Variants in COBL observed in about 807,000 individuals in gnomAD.
COBL encodes the protein protein cordon-bleu.
A neutral mutation model predicts 98.8 loss-of-function variants in COBL; 51 were observed. The ratio of observed to expected loss-of-function variants is 0.52; its 90% CI spans 0.41 to 0.65. The LOEUF (loss-of-function observed/expected upper bound fraction) is 0.65. Ranked by LOEUF, COBL falls within the 30% of genes least tolerant of loss-of-function variation. The pLI, the probability that COBL is intolerant of heterozygous loss-of-function variation, is 0.00. For missense variants in COBL, 1,617 were observed against 1,617.5 expected, an observed-to-expected ratio of 1.00 and a Z score of 0.01; for synonymous variants, 634 against 651.7, an observed-to-expected ratio of 0.97 and a Z score of 0.41.
At chr7:51,026,960 C>T (rs944226458) in intron 10 of COBL, among the ~76,000 whole-genome samples, 1 of 152,102 alleles carries the variant, frequency 6.6e-6, no homozygotes, top group Non-Finnish European at 1.5e-5. Context: ...AGTTTTACAC[C>T]CTGTCTATGA....
chr7:51,122,663 C>T (rs1797844883), intron 6 of COBL, among the ~76,000 whole-genome samples: 3 of 152,160 alleles, frequency 2.0e-5, no homozygotes, highest in Admixed American at 1.3e-4. Flanking sequence ...GGCAGATATG[C>T]TTTACATCTG....
intron 6 of COBL, among the ~76,000 whole-genome samples, chr7:51,111,355 A>G (rs892669919): frequency 6.6e-6 from 1 of 152,140 alleles, no homozygotes; most frequent in South Asian, 2.1e-4. Flanking sequence ...TTTGATAACA[A>G]GCCCTTCTAA....
intron 1 of COBL, among the ~76,000 whole-genome samples, chr7:51,254,544 T>A (rs561160700): frequency 2.2e-4 from 34 of 152,326 alleles, no homozygotes; most frequent in African/African-American, 7.5e-4. Flanking sequence ...ACCCTTGTTA[T>A]CTGTCTTCCT....
chr7:51,180,666 C>T (rs553025541), intron 5 of COBL, among the ~76,000 whole-genome samples: 225 of 152,242 alleles, frequency 1.5e-3, no homozygotes, highest in African/African-American at 5.2e-3. Flanking sequence ...AATTATTTTT[C>T]AATAACCCAC....
At position 51,043,656 on chromosome 7, in the gene COBL, G is replaced by C. The variant is rs370218174; in HGVS notation, c.1133C>G (p.Pro378Arg). ...TGACAGCACCTGCGGGGCTCCATCC[G>C]GGCTGCAGTGGCTGCCAGACCCCAG... ...LPLGSGSHCSPDGAPQVLSEA... is the reference protein window; with the variant it reads ...LPLGSGSHCSRDGAPQVLSEA... Residue 378 changes from proline (P) to arginine (R), a missense_variant, in exon 8 of 13, where the codon CCG becomes CGG. Pro to Arg is a moderately radical substitution (Grantham distance 103, BLOSUM62 -2). Around this residue, in one of 3 missense-constraint regions of COBL, gnomAD observed 1,304 missense variants for 1,282.0 expected, o/e 1.02. Coordinates refer to ENST00000265136, the MANE Select transcript of COBL (RefSeq NM_015198.5). 6.2e-7 allele frequency: 1 copy of C among 1,613,962 alleles called. No individual in the cohort carries two copies. The highest frequency in any genetic ancestry group is 1.7e-5 in the Admixed American group (1 of 60,002).
rs764080598 is a variant in COBL at position 51,085,193 on chromosome 7, T to G, written c.1069A>C (p.Lys357Gln). Residue 357 changes from lysine (K) to glutamine (Q), a missense_variant, in exon 7 of 13, where the codon AAG becomes CAG. By Grantham distance (53) the Lys-to-Gln change is moderately conservative. This residue lies in a region of COBL where 1,304 missense variants were observed against 1,282.0 expected (regional missense o/e 1.02). Transcript: ENST00000265136. ...ATCGTGCTCTTCCTGTTCTCCTCCT[T>G]ATCCTCAGTGCGGTTGGGGATCAGG... ...SPLIPNRTED[K>Q]EENRKSTMVS... The G allele has an allele frequency of 5.0e-6, 8 of 1,613,742 alleles. No individual in the cohort carries two copies. The highest frequency in any genetic ancestry group is 1.6e-4 in the Middle Eastern group (1 of 6,082).
Position 51,078,946 on chromosome 7 carries a change from C to T in COBL, c.1096+6220G>A, listed in dbSNP as rs189563103. 5.0e-3 allele frequency among the ~76,000 whole-genome samples: 763 copies of T among 152,300 alleles called. 5 individuals carry two copies. The highest frequency in any genetic ancestry group is 8.1e-3 in the Non-Finnish European group (548 of 68,028). ...GCTTTCCTCAGAGTGAGCAAGTGAG[C>T]GAGGGTGCCCAAGATGGAGACCACA... On this transcript the variant is annotated intron_variant, in intron 7 of 12. Transcript: ENST00000265136.
At chr7:51,197,504 T>A (rs1226814981) in intron 2 of COBL, among the ~76,000 whole-genome samples, 1 of 152,218 alleles carries the variant, frequency 6.6e-6, no homozygotes, top group African/African-American at 2.4e-5. Flanking sequence ...TGTTTTAGGA[T>A]GAAAAGTTCT....
intron 4 of COBL, among the ~76,000 whole-genome samples, chr7:51,186,217 T>C (rs1789488475): frequency 6.6e-6 from 1 of 152,140 alleles, no homozygotes; most frequent in African/African-American, 2.4e-5. Flanking sequence ...TTGAGTGGTA[T>C]GTGACATGGA....
chr7:51,205,037 C>T (rs549652817), intron 2 of COBL, among the ~76,000 whole-genome samples: 27 of 152,276 alleles, frequency 1.8e-4, no homozygotes, highest in African/African-American at 6.3e-4. Flanking sequence ...GTAAAGCTGT[C>T]CTGTGTTCAT....
chr7:51,135,440 G>A (rs1031538975), intron 6 of COBL, among the ~76,000 whole-genome samples: 3 of 152,032 alleles, frequency 2.0e-5, no homozygotes, highest in Non-Finnish European at 2.9e-5. Flanking sequence ...CCAGAGGACC[G>A]ACTTGCAAAA....
At chr7:51,282,954 T>A (rs1219931094) in intron 1 of COBL, among the ~76,000 whole-genome samples, 1 of 152,108 alleles carries the variant, frequency 6.6e-6, no homozygotes, top group African/African-American at 2.4e-5. Context: ...ACAGAATGCA[T>A]GGAGAAAGAG....
intron 6 of COBL, among the ~76,000 whole-genome samples, chr7:51,114,383 T>G: frequency 7.0e-6 from 1 of 142,516 alleles, no homozygotes; most frequent in Admixed American, 7.0e-5. Context: ...AAAAAAAAAA[T>G]CCAGAGATAA....
At chr7:51,181,704 A>C (rs1370840274) in intron 5 of COBL, among the ~76,000 whole-genome samples, 1 of 152,218 alleles carries the variant, frequency 6.6e-6, no homozygotes, top group African/African-American at 2.4e-5. Context: ...CAATGGTGAA[A>C]AACAGCCCCT....
chr7:51,105,648 G>A (rs1454248273), intron 6 of COBL, among the ~76,000 whole-genome samples: 1 of 152,086 alleles, frequency 6.6e-6, no homozygotes, highest in African/African-American at 2.4e-5. Flanking sequence ...CTACACAGGA[G>A]GCTGAGGCAG....
At chr7:51,163,455 G>T (rs1787011419) in intron 5 of COBL, among the ~76,000 whole-genome samples, 1 of 152,190 alleles carries the variant, frequency 6.6e-6, no homozygotes. Context: ...GAAGCAGCAG[G>T]CATGGTCATC....
At chr7:51,274,773 AAAC>A (rs531302256) in intron 1 of COBL, among the ~76,000 whole-genome samples, 250 of 152,334 alleles carry the variant, frequency 1.6e-3, no homozygotes, top group African/African-American at 5.8e-3. Flanking sequence ...GTATTCTAGA[AAAC>A]AACAGTGTAA....
chr7:51,025,043 C>T, intron 12 of COBL, 66 bp downstream of exon 12: 2 of 1,603,010 alleles, frequency 1.2e-6, no homozygotes, highest in South Asian at 1.1e-5. Flanking sequence ...CAAGCGTGTC[C>T]CTGGATCTAC....
intron 1 of COBL, among the ~76,000 whole-genome samples, chr7:51,240,451 G>C (rs1411840052): frequency 6.6e-6 from 1 of 152,236 alleles, no homozygotes; most frequent in Non-Finnish European, 1.5e-5. Flanking sequence ...CCACAGCGTG[G>C]CCATGGACTT....
Sources: gnomAD v4.1 joint callset for allele counts (sites outside exome capture counted in the v4.1 genomes callset) on GRCh38, gnomAD v4.1.1 for gene constraint, gnomAD v4.1.1 regional missense constraint, MANE v1.5 for transcripts, NCBI Gene and HGNC (gene_info 2026-07-23, HGNC 2026-07-21) for gene names.